Variants in SLC7A14 observed in about 807,000 individuals in gnomAD.
SLC7A14 encodes gamma-aminobutyric acid transporter SLC7A14.
Under a neutral mutation model 60.2 loss-of-function variants are expected in SLC7A14, and 37 were observed. The observed-to-expected ratio is 0.61, with a 90% CI of 0.47 to 0.81. SLC7A14 has a LOEUF of 0.81. Among genes scored for constraint, SLC7A14 ranks in the 30% least tolerant of loss-of-function variants. The pLI is 0.00. For synonymous variants in SLC7A14, 399 were observed against 395.8 expected (o/e 1.01, Z -0.10); for missense variants, 886 against 982.7 (o/e 0.90, Z 1.32).
At chr3:170,510,269 A>G (rs1382353892) in intron 2 of SLC7A14, among the ~76,000 whole-genome samples, 1 of 151,584 alleles carries the variant, frequency 6.6e-6, no homozygotes, top group African/African-American at 2.4e-5. Flanking sequence ...GGGCACCTGT[A>G]ATTCCAGCTG....
At chr3:170,497,552 C>A (rs1330559477) in intron 4 of SLC7A14, among the ~76,000 whole-genome samples, 1 of 152,234 alleles carries the variant, frequency 6.6e-6, no homozygotes, top group Non-Finnish European at 1.5e-5. Context: ...GAATCCTGGA[C>A]TTGCTTTCTG....
At chr3:170,479,238 G>A (rs1711733162) in intron 7 of SLC7A14, among the ~76,000 whole-genome samples, 1 of 152,116 alleles carries the variant, frequency 6.6e-6, no homozygotes, top group Admixed American at 6.6e-5. Context: ...CTCTCCTTTA[G>A]GCAGGGTTTA....
intron 1 of SLC7A14, among the ~76,000 whole-genome samples, chr3:170,551,087 A>G (rs1328918480): frequency 6.6e-6 from 1 of 152,060 alleles, no homozygotes; most frequent in African/African-American, 2.4e-5. Context: ...CCACTAATCT[A>G]CTTTCTTTCT....
chr3:170,527,730 A>G (rs1713555652), intron 1 of SLC7A14, among the ~76,000 whole-genome samples: 1 of 152,140 alleles, frequency 6.6e-6, no homozygotes, highest in African/African-American at 2.4e-5. Context: ...TACTCCTGGC[A>G]TCTGGGGGGA....
chr3:170,509,714 G>A (rs980000865), intron 2 of SLC7A14, among the ~76,000 whole-genome samples: 3 of 151,814 alleles, frequency 2.0e-5, no homozygotes. Flanking sequence ...GGAGGCCAAG[G>A]TGGGTGGATC....
chr3:170,479,107 G>A (rs1711726950), intron 7 of SLC7A14, among the ~76,000 whole-genome samples: 1 of 151,954 alleles, frequency 6.6e-6, no homozygotes, highest in Admixed American at 6.6e-5. Context: ...GGGCGACACA[G>A]CAAGACTCCA....
At chr3:170,543,264 T>C (rs939304263) in intron 1 of SLC7A14, among the ~76,000 whole-genome samples, 1 of 152,154 alleles carries the variant, frequency 6.6e-6, no homozygotes, top group Non-Finnish European at 1.5e-5. Flanking sequence ...AGGGCCAAGA[T>C]GCCTAGTGTC....
intron 7 of SLC7A14, among the ~76,000 whole-genome samples, chr3:170,471,718 A>C (rs917238824): frequency 6.6e-6 from 1 of 152,174 alleles, no homozygotes. Flanking sequence ...GGGCAATCTA[A>C]TATCTTTTGA....
At chr3:170,533,140 A>G (rs1033364228) in intron 1 of SLC7A14, among the ~76,000 whole-genome samples, 3 of 152,088 alleles carry the variant, frequency 2.0e-5, no homozygotes, top group African/African-American at 7.2e-5. Context: ...ATAAGCTTTG[A>G]TGGTGGATCC....
intron 1 of SLC7A14, among the ~76,000 whole-genome samples, chr3:170,557,415 C>A (rs1359265711): frequency 2.6e-5 from 4 of 152,266 alleles, no homozygotes; most frequent in Admixed American, 2.6e-4. Flanking sequence ...ATTCGTCAAA[C>A]TCTTAATAAA....
chr3:170,576,050 C>T (rs1268992945), intron 1 of SLC7A14, among the ~76,000 whole-genome samples: 1 of 152,206 alleles, frequency 6.6e-6, no homozygotes, highest in Admixed American at 6.5e-5. Context: ...TCTACAATAG[C>T]TTTCTCTCTC....
At chr3:170,471,090 G>GGGGTGTGTGTGTGTGT (rs1553864201) in intron 7 of SLC7A14, among the ~76,000 whole-genome samples, 1 of 146,356 alleles carries the variant, frequency 6.8e-6, no homozygotes, top group African/African-American at 2.6e-5. Context: ...TCTGGGAAGG[G>GGGGTGTGTGTGTGTGT]GTGTGTGTGT....
intron 2 of SLC7A14, among the ~76,000 whole-genome samples, chr3:170,526,006 G>T (rs146449824): frequency 2.6e-4 from 40 of 152,172 alleles, no homozygotes; most frequent in African/African-American, 7.0e-4. Flanking sequence ...GAACCCGGGA[G>T]GTGGAGGTTG....
chr3:170,494,883 C>T (rs760051816), intron 4 of SLC7A14, among the ~76,000 whole-genome samples: 20 of 152,268 alleles, frequency 1.3e-4, no homozygotes, highest in Middle Eastern at 3.4e-3. Flanking sequence ...AGAGAATGAG[C>T]GTGATACACA....
At chr3:170,479,078 A>C (rs981922075) in intron 7 of SLC7A14, among the ~76,000 whole-genome samples, 1 of 152,124 alleles carries the variant, frequency 6.6e-6, no homozygotes, top group African/African-American at 2.4e-5. Context: ...GCCATGATCA[A>C]GCCACTGCAC....
At chr3:170,492,260 G>A (rs1057067418) in intron 4 of SLC7A14, among the ~76,000 whole-genome samples, 6 of 152,178 alleles carry the variant, frequency 3.9e-5, no homozygotes, top group South Asian at 2.1e-4. Flanking sequence ...ATGTGTGTTC[G>A]TGTGCAAGTG....
chr3:170,535,172 C>T lies in SLC7A14; in HGVS notation c.-152-8084G>A, dbSNP rs905278548. On this transcript the variant is annotated intron_variant, in intron 1 of 7. Coordinates refer to ENST00000231706, the MANE Select transcript of SLC7A14 (RefSeq NM_020949.3). The surrounding 1 kb of genome is among the most constrained non-coding windows in gnomAD (Gnocchi z 4.3). ...CTGGCATCACCTTCCACTCTTCTCC[C>T]GCAGATCAGGGTCTCCCAGGTTAGG... Among the ~76,000 whole-genome samples, 10 of 151,912 alleles carry T rather than the reference C, an allele frequency of 6.6e-5. No homozygotes were observed. Among genetic ancestry groups the T allele is most frequent in the Admixed American group, 4.6e-4 (7 of 15,244 alleles).
At chr3:170,521,244 T>C (rs1451911000) in intron 2 of SLC7A14, among the ~76,000 whole-genome samples, 2 of 152,302 alleles carry the variant, frequency 1.3e-5, no homozygotes, top group East Asian at 1.9e-4. Context: ...CTTGACAAAT[T>C]GTAAAGAAAA....
intron 1 of SLC7A14, among the ~76,000 whole-genome samples, chr3:170,571,915 G>C (rs2108315474): frequency 6.6e-6 from 1 of 152,054 alleles, no homozygotes; most frequent in Non-Finnish European, 1.5e-5. Context: ...AAAAAAACTA[G>C]CTGGGCATGG....
Sources: gnomAD v4.1 joint callset for allele counts (sites outside exome capture counted in the v4.1 genomes callset) on GRCh38, gnomAD v4.1.1 for gene constraint, Gnocchi (gnomAD v3.1) non-coding constraint, MANE v1.5 for transcripts, NCBI Gene and HGNC (gene_info 2026-07-23, HGNC 2026-07-21) for gene names.